The following NDUFAF6 variants were observed in gnomAD, a reference collection of about 807,000 sequenced individuals.
NDUFAF6 encodes the protein NADH dehydrogenase (ubiquinone) complex I, assembly factor 6.
In NDUFAF6, 45 loss-of-function variants were observed where a neutral mutation model predicts 40.8. The observed-to-expected ratio is 1.10, with a 90% CI of 0.87 to 1.42. The LOEUF is 1.42. Among genes scored for constraint, NDUFAF6 ranks in the 40% most tolerant of loss-of-function variants. The pLI is 0.00. For missense variants in NDUFAF6, 435 were observed against 418.5 expected (o/e 1.04, Z -0.34); for synonymous variants, 185 against 155.9 (o/e 1.19, Z -1.39).
upstream of NDUFAF6, among the ~76,000 whole-genome samples, chr8:95,099,650 C>T (rs1329079867): frequency 6.6e-6 from 1 of 152,036 alleles, no homozygotes; most frequent in African/African-American, 2.4e-5. Flanking sequence ...CTGCCCCTAG[C>T]AGAGAGGAGA....
intron 2 of NDUFAF6, among the ~76,000 whole-genome samples, chr8:95,016,611 G>A (rs531163564): frequency 2.0e-4 from 31 of 152,252 alleles, no homozygotes; most frequent in South Asian, 4.1e-4. Context: ...GCCTGGTGGC[G>A]TGTGCCTGTA....
intron 1 of NDUFAF6, among the ~76,000 whole-genome samples, chr8:94,943,656 A>G (rs1247288310): frequency 6.6e-6 from 1 of 152,226 alleles, no homozygotes; most frequent in African/African-American, 2.4e-5. Context: ...ATCTGTAGCT[A>G]ATGAGATTCC....
At chr8:95,005,208 A>T (rs1177501803) in intron 2 of NDUFAF6, among the ~76,000 whole-genome samples, 1 of 152,030 alleles carries the variant, frequency 6.6e-6, no homozygotes, top group Admixed American at 6.6e-5. Flanking sequence ...AACTGAGATG[A>T]TATAGGCCGA....
chr8:94,905,949 T>G (rs907402312), intron 1 of NDUFAF6, among the ~76,000 whole-genome samples: 2 of 152,248 alleles, frequency 1.3e-5, no homozygotes, highest in Non-Finnish European at 2.9e-5. Flanking sequence ...AGATACAGTT[T>G]GTAGGTGTTT....
downstream of NDUFAF6, among the ~76,000 whole-genome samples, chr8:95,080,247 A>G (rs1808784239): frequency 7.2e-6 from 1 of 139,768 alleles, no homozygotes; most frequent in Non-Finnish European, 1.6e-5. Context: ...GATTTTTTGT[A>G]GTGTATTTTT....
At chr8:95,069,532 C>T (rs968943196) in intron 9 of NDUFAF6, among the ~76,000 whole-genome samples, 7 of 151,438 alleles carry the variant, frequency 4.6e-5, no homozygotes, top group Non-Finnish European at 1.0e-4. Flanking sequence ...GTAATCACAG[C>T]ACTTTGGGAG....
chr8:94,939,708 CT>C, intron 1 of NDUFAF6: 2 of 1,136,216 alleles, frequency 1.8e-6, no homozygotes, highest in Non-Finnish European at 1.3e-6. Flanking sequence ...AACAAGTTAT[CT>C]TACGGACCAT....
intron 1 of NDUFAF6, among the ~76,000 whole-genome samples, chr8:94,900,886 C>A (rs565412792): frequency 6.6e-6 from 1 of 152,274 alleles, no homozygotes; most frequent in East Asian, 1.9e-4. Flanking sequence ...TTAGTTCATT[C>A]ATTAATTCAA....
intron 1 of NDUFAF6, among the ~76,000 whole-genome samples, chr8:94,933,301 CAT>C (rs1259507086): frequency 6.6e-6 from 1 of 152,132 alleles, no homozygotes. Context: ...ATATAACTAT[CAT>C]ATATGAATGC....
intron 1 of NDUFAF6, among the ~76,000 whole-genome samples, chr8:95,100,722 A>C (rs1257058023): frequency 6.6e-6 from 1 of 152,196 alleles, no homozygotes; most frequent in East Asian, 1.9e-4. Context: ...TTCTGACTCA[A>C]AATATCCATT....
At chr8:95,107,787 C>T (rs1441231321), downstream of NDUFAF6, among the ~76,000 whole-genome samples, 1 of 152,144 alleles carries the variant, frequency 6.6e-6, no homozygotes, top group South Asian at 2.1e-4. Context: ...ATATGTAAGG[C>T]ACAGAATGAG....
At chr8:95,067,797 A>G (rs1340490249) in intron 9 of NDUFAF6, 1 of 151,914 alleles carries the variant, frequency 6.6e-6, no homozygotes, top group Non-Finnish European at 1.5e-5. Flanking sequence ...TACAGCTGTG[A>G]GTGGGTGGAA....
chr8:94,901,933 T>C (rs1318382616), intron 1 of NDUFAF6, among the ~76,000 whole-genome samples: 1 of 152,184 alleles, frequency 6.6e-6, no homozygotes, highest in Non-Finnish European at 1.5e-5. Flanking sequence ...GATTTTATAA[T>C]GAACACCCAT....
At chr8:95,086,480 T>G (rs1017847209) in intron 2 of NDUFAF6, among the ~76,000 whole-genome samples, 7 of 152,200 alleles carry the variant, frequency 4.6e-5, no homozygotes, top group African/African-American at 1.7e-4. Context: ...TTCTCAGAAA[T>G]AGCAAACTGT....
At chr8:95,060,775 T>G (rs28689567), downstream of NDUFAF6, among the ~76,000 whole-genome samples, 2,705 of 152,350 alleles carry the variant, frequency 0.018, 69 homozygotes, top group African/African-American at 0.061. Context: ...CTGCCAAGTT[T>G]AAAAGCTCAA....
chr8:95,023,906 G>A (rs1209928920), upstream of NDUFAF6, among the ~76,000 whole-genome samples: 7 of 151,658 alleles, frequency 4.6e-5, no homozygotes, highest in African/African-American at 1.5e-4. Flanking sequence ...CGGGAGAATC[G>A]CTTGAACCCG....
rs544584086 is a variant in NDUFAF6, at chr8:95,092,154, T to C, written n.214-8978T>C. Among the ~76,000 whole-genome samples the C allele has an allele frequency of 1.3e-4, 19 of 151,180 alleles. 1 individual carries two copies. In the South Asian group the frequency reaches 4.0e-3, roughly 32 times the overall value. On this transcript the variant is annotated intron_variant and non_coding_transcript_variant, in intron 2 of 5. Coordinates refer to the NDUFAF6 transcript ENST00000523184. ...TCTCTAAATGAAACTATCTACCATGTGGTTAACTTAAAATTCCCCTTTGAC... is the reference window on the plus strand; with the variant it reads ...TCTCTAAATGAAACTATCTACCATGCGGTTAACTTAAAATTCCCCTTTGAC...
At chr8:94,934,705 C>T (rs1386523203) in intron 1 of NDUFAF6, among the ~76,000 whole-genome samples, 1 of 152,134 alleles carries the variant, frequency 6.6e-6, no homozygotes, top group South Asian at 2.1e-4. Context: ...GAGTGGCATT[C>T]CTCAGAGGTA....
chr8:95,083,254 C>T (rs564114538), intron 2 of NDUFAF6, among the ~76,000 whole-genome samples: 1 of 36,742 alleles, frequency 2.7e-5, no homozygotes, highest in Non-Finnish European at 4.5e-5. Flanking sequence ...TTCCTTTCTC[C>T]ACTAAACGGG....
Sources: allele counts gnomAD v4.1 joint callset (sites outside exome capture counted in the v4.1 genomes callset), GRCh38; gene constraint gnomAD v4.1.1; transcripts MANE v1.5; gene names NCBI Gene and HGNC (gene_info 2026-07-23, HGNC 2026-07-21).